The following CCDC91 variants were observed in gnomAD, a reference collection of about 807,000 sequenced individuals.
CCDC91 encodes the protein coiled-coil domain containing 91.
A neutral mutation model predicts 63.2 loss-of-function variants in CCDC91; 48 were observed. The ratio of observed to expected loss-of-function variants is 0.76; its 90% CI spans 0.60 to 0.97. The LOEUF (loss-of-function observed/expected upper bound fraction) is 0.97. CCDC91 is among the 50% of genes least tolerant of loss of function. The pLI, the probability that CCDC91 is intolerant of heterozygous loss-of-function variation, is 0.00. For synonymous variants in CCDC91, 167 were observed against 165.8 expected, an observed-to-expected ratio of 1.01 and a Z score of -0.06; for missense variants, 500 against 494.6, an observed-to-expected ratio of 1.01 and a Z score of -0.10.
chr12:28,267,482 T>C (rs1592146303), intron 3 of CCDC91, among the ~76,000 whole-genome samples: 2 of 150,630 alleles, frequency 1.3e-5, no homozygotes, highest in Non-Finnish European at 3.0e-5. Flanking sequence ...AGCAAAGCTA[T>C]TTTAATTAGG....
chr12:28,286,089 T>C (rs1948898228), intron 3 of CCDC91, among the ~76,000 whole-genome samples: 1 of 152,054 alleles, frequency 6.6e-6, no homozygotes, highest in Non-Finnish European at 1.5e-5. Flanking sequence ...TAATTGGAAG[T>C]GGCTTGAGTC....
chr12:28,335,561 C>T (rs1423934130), intron 6 of CCDC91, among the ~76,000 whole-genome samples: 1 of 151,052 alleles, frequency 6.6e-6, no homozygotes, highest in African/African-American at 2.4e-5. Flanking sequence ...GTGCATGCCA[C>T]CGTGCCCGTC....
intron 1 of CCDC91, among the ~76,000 whole-genome samples, chr12:28,243,486 A>T (rs1438383364): frequency 1.3e-5 from 2 of 152,234 alleles, no homozygotes; most frequent in Non-Finnish European, 2.9e-5. Flanking sequence ...GCAAAATTTG[A>T]TAGATTGGTA....
intron 7 of CCDC91, among the ~76,000 whole-genome samples, chr12:28,377,081 CTT>C (rs972684930): frequency 3.3e-5 from 5 of 149,440 alleles, no homozygotes; most frequent in African/African-American, 1.2e-4. Context: ...TAAGGAATCT[CTT>C]TTAAGGCAAT....
intron 8 of CCDC91, among the ~76,000 whole-genome samples, chr12:28,412,033 G>T (rs541533225): frequency 3.3e-4 from 51 of 152,290 alleles, no homozygotes; most frequent in Admixed American, 7.8e-4. Context: ...AATATGTTTA[G>T]ATGCACAAAT....
chr12:28,342,417 C>T (rs527973164), intron 6 of CCDC91, among the ~76,000 whole-genome samples: 14 of 152,056 alleles, frequency 9.2e-5, no homozygotes, highest in Admixed American at 9.2e-4. Flanking sequence ...ATGTCAGTGG[C>T]CAGTTGTGGC....
chr12:28,342,776 G>T (rs982658769), intron 6 of CCDC91, among the ~76,000 whole-genome samples: 6 of 152,100 alleles, frequency 3.9e-5, no homozygotes, highest in African/African-American at 7.2e-5. Context: ...GTGGGTTCAG[G>T]TACATACAGA....
intron 1 of CCDC91, among the ~76,000 whole-genome samples, chr12:28,242,591 A>G (rs1945419906): frequency 6.6e-6 from 1 of 152,054 alleles, no homozygotes; most frequent in African/African-American, 2.4e-5. Context: ...AGAGAGAGAG[A>G]AAGAGAGGGA....
At chr12:28,513,681 C>G (rs1939624097) in intron 12 of CCDC91, among the ~76,000 whole-genome samples, 1 of 151,806 alleles carries the variant, frequency 6.6e-6, no homozygotes, top group African/African-American at 2.4e-5. Context: ...AATTGTATCA[C>G]TCTCTTGATT....
At chr12:28,362,369 C>A in intron 6 of CCDC91, 69 bp from the exon 7 acceptor site, 1 of 1,116,760 alleles carries the variant, frequency 9.0e-7, no homozygotes, top group Non-Finnish European at 1.3e-6. Flanking sequence ...CAGCAAAAGT[C>A]TATGGTTTTA....
intron 1 of CCDC91, among the ~76,000 whole-genome samples, chr12:28,254,950 T>A (rs1946349717): frequency 6.6e-6 from 1 of 152,034 alleles, no homozygotes; most frequent in African/African-American, 2.4e-5. Context: ...TTTTTGTATT[T>A]TTAGTAGAGG....
chr12:28,247,739 G>A (rs530117297), intron 1 of CCDC91, among the ~76,000 whole-genome samples: 6 of 152,256 alleles, frequency 3.9e-5, no homozygotes, highest in East Asian at 1.9e-4. Flanking sequence ...CTGGGACAGC[G>A]GTCCCGAACC....
intron 6 of CCDC91, among the ~76,000 whole-genome samples, chr12:28,333,396 GA>G (rs1217580461): frequency 0.021 from 1,882 of 89,088 alleles, 31 homozygotes; most frequent in African/African-American, 0.067. Context: ...CTCCATCTCA[GA>G]AAAAAAAAAA....
intron 12 of CCDC91, among the ~76,000 whole-genome samples, chr12:28,501,494 A>T (rs11049673): frequency 0.21 from 31,684 of 151,776 alleles, 4,332 homozygotes; most frequent in Non-Finnish European, 0.31. Context: ...GTTCTGTTTA[A>T]ATGCTGGATT....
chr12:28,233,059 T>C (rs1385041964), intron 1 of CCDC91, among the ~76,000 whole-genome samples: 1 of 152,200 alleles, frequency 6.6e-6, no homozygotes, highest in South Asian at 2.1e-4. Context: ...AGTCTTTTTT[T>C]TCCCCAACCC....
At chr12:28,520,244 C>T (rs541650312) in intron 12 of CCDC91, among the ~76,000 whole-genome samples, 19 of 152,220 alleles carry the variant, frequency 1.2e-4, no homozygotes, top group South Asian at 1.0e-3. Flanking sequence ...TGTTTCCTGA[C>T]TTTTTAATGA....
rs567600037 is a variant in CCDC91 at position 28,549,078 on chromosome 12, C to A, written c.1231C>A (p.Arg411Ser). The change falls in exon 13 of 13, where the codon CGC becomes AGC. Residue 411 changes from arginine (R) to serine (S), a missense_variant. Arg to Ser is a moderately radical substitution (Grantham distance 110). Coordinates refer to ENST00000536442, the MANE Select transcript of CCDC91 (RefSeq NM_018318.5). ...KEQKRLDQVI[R>S]QRSLSSLELF... ...AATTAAACAGCTCGATCAAGTCATC[C>A]GCCAAAGAAGCCTGTCCAGTTTGGA... 5 of 1,610,372 alleles carry A rather than the reference C, an allele frequency of 3.1e-6. No homozygotes were observed. The highest frequency in any genetic ancestry group is 4.5e-5 in the East Asian group (2 of 44,764).
intron 7 of CCDC91, among the ~76,000 whole-genome samples, chr12:28,366,848 A>T (rs10743620): frequency 2.6e-5 from 4 of 151,986 alleles, no homozygotes; most frequent in African/African-American, 9.7e-5. Context: ...ACTGGTATTG[A>T]TGGAGGCCTG....
intron 7 of CCDC91, among the ~76,000 whole-genome samples, chr12:28,389,265 T>C (rs1463569303): frequency 6.6e-6 from 1 of 152,128 alleles, no homozygotes. Context: ...AAGGGAATGA[T>C]TGTCTTCAAC....
Sources: allele counts gnomAD v4.1 joint callset (sites outside exome capture counted in the v4.1 genomes callset), GRCh38; gene constraint gnomAD v4.1.1; transcripts MANE v1.5; gene names NCBI Gene and HGNC (gene_info 2026-07-23, HGNC 2026-07-21).